The following INPP1 variants were observed in gnomAD, a reference collection of about 807,000 sequenced individuals.
INPP1 encodes inositol polyphosphate-1-phosphatase, also known as inositol polyphosphate 1-phosphatase.
Under a neutral mutation model 23.0 loss-of-function variants are expected in INPP1, and 18 were observed. That is an observed-to-expected ratio of 0.78 (90% CI 0.54 to 1.16). The LOEUF is 1.16. INPP1 is among the 50% of genes most tolerant of loss of function. The pLI, the probability that INPP1 is intolerant of heterozygous loss-of-function variation, is 0.00. For synonymous variants in INPP1, 164 were observed against 176.3 expected, an observed-to-expected ratio of 0.93 and a Z score of 0.55; for missense variants, 448 against 482.1, an observed-to-expected ratio of 0.93 and a Z score of 0.66.
rs978785988 is a variant in INPP1 at position 190,354,925 on chromosome 2, G to A, written c.-64-5114G>A. ...AACCTAGTGACAGATATCAACTAGG[G>A]GTGTGTGTGTGTGTGTGTGTGCATT... On this transcript the variant is annotated intron_variant, in intron 2 of 6. Transcript: ENST00000392329. The surrounding 1 kb of genome is among the most constrained non-coding windows in gnomAD (Gnocchi z 4.8). 1.4e-5 allele frequency among the ~76,000 whole-genome samples: 2 copies of A among 146,564 alleles called. No homozygotes were observed. Among genetic ancestry groups the A allele is most frequent in the East Asian group, 3.9e-4 (2 of 5,080 alleles).
chr2:190,347,777 T>A (rs1689248026), intron 1 of INPP1, among the ~76,000 whole-genome samples: 1 of 152,242 alleles, frequency 6.6e-6, no homozygotes, highest in South Asian at 2.1e-4. Context: ...AATTGTTCTT[T>A]TAACATTGCT....
chr2:190,347,213 G>A (rs1407192121), intron 1 of INPP1, among the ~76,000 whole-genome samples: 1 of 151,702 alleles, frequency 6.6e-6, no homozygotes, highest in Admixed American at 6.6e-5. Context: ...GGGTTTCACA[G>A]TGTTAGCCAG....
rs1010940536 is a variant in INPP1, at chr2:190,359,160, C to T, written c.-64-879C>T. 3.9e-5 allele frequency among the ~76,000 whole-genome samples: 6 copies of T among 152,116 alleles called. No individual in the cohort carries two copies. The East Asian group carries it at 5.8e-4, about 15-fold the overall frequency. ...ACAAAAAATACAAAAATTAGCCTGG[C>T]GTGGTGGCATGCATCTGTAGTCCCA... On this transcript the variant is annotated intron_variant, in intron 2 of 6. Coordinates refer to ENST00000392329, the MANE Select transcript of INPP1 (RefSeq NM_001128928.2).
chr2:190,370,204 C>T (rs1689773337), intron 6 of INPP1, among the ~76,000 whole-genome samples: 1 of 152,180 alleles, frequency 6.6e-6, no homozygotes, highest in Non-Finnish European at 1.5e-5. Flanking sequence ...GGTTTGAATG[C>T]AGATTCTACC....
At chr2:190,366,611 C>T in intron 4 of INPP1, 84 bp from the exon 5 acceptor site, 2 of 970,230 alleles carry the variant, frequency 2.1e-6, no homozygotes, top group South Asian at 2.8e-5. Flanking sequence ...CTCTCTGTCT[C>T]TCTCACTCTT....
Position 190,346,171 on chromosome 2 carries a change from G to C in INPP1, c.-209+2210G>C, listed in dbSNP as rs1214121910. Among the ~76,000 whole-genome samples, 1 of 152,152 alleles carries C rather than the reference G, an allele frequency of 6.6e-6. No homozygotes were observed. Among genetic ancestry groups the C allele is most frequent in the Non-Finnish European group, 1.5e-5 (1 of 68,030 alleles). ...TTAAAAGATTCCCAGATTGCAACTT[G>C]AGACTTCCTGGATCAGAATTTCTAA... On this transcript the variant is annotated intron_variant, in intron 1 of 6. Transcript: ENST00000392329. The surrounding 1 kb of genome is among the most constrained non-coding windows in gnomAD (Gnocchi z 5.1).
Position 190,346,457 on chromosome 2 carries a change from CAT to C in INPP1, c.-208-2428_-208-2427del, listed in dbSNP as rs1689217459. 6.6e-6 allele frequency among the ~76,000 whole-genome samples: 1 copy of C among 152,110 alleles called. No homozygotes were observed. The highest frequency in any genetic ancestry group is 2.1e-4 in the South Asian group (1 of 4,824). ...GCTTCTGCTGATCAAATTTAGCAAA[CAT>C]ATTTTTGCATGTTTAGTCTTTTTTA... is the stretch of plus-strand genomic sequence containing the variant. On this transcript the variant is annotated intron_variant, in intron 1 of 6. Transcript: ENST00000392329. The surrounding 1 kb of genome is among the most constrained non-coding windows in gnomAD (Gnocchi z 5.1).
intron 4 of INPP1, chr2:190,365,028 G>A (rs1199315313): frequency 6.0e-6 from 1 of 166,078 alleles, no homozygotes; most frequent in African/African-American, 2.4e-5. Context: ...ACGTTCCAAA[G>A]TGCCATGTTT....
chr2:190,350,285 A>T lies in INPP1; in HGVS notation c.-65+1254A>T, dbSNP rs561486350. Among the ~76,000 whole-genome samples, 3 of 152,254 alleles carry T rather than the reference A, an allele frequency of 2.0e-5. No individual in the cohort carries two copies. The South Asian group carries it at 6.2e-4, about 32-fold the overall frequency. On this transcript the variant is annotated intron_variant, in intron 2 of 6. Transcript: ENST00000392329. ...GTAGATCAACTATTTTTTTCCGAGC[A>T]TTTAATTTACTTTACAAAAAGGCAA... is the stretch of plus-strand genomic sequence containing the variant.
rs1272012186 is a variant in INPP1, at chr2:190,366,439, G to GTCTCACTCTC, written c.266-252_266-243dup. Reference sequence around the variant, plus strand: ...ACTCTGTCTCACTCTGTCTCACTCTGTCTCACTCTCTCTGTCTTGCTCTCT... The same window carrying GTCTCACTCTC: ...ACTCTGTCTCACTCTGTCTCACTCTGTCTCACTCTCTCTCACTCTCTCTGTCTTGCTCTCT... On this transcript the variant is annotated intron_variant, in intron 4 of 6. Coordinates refer to ENST00000392329, the MANE Select transcript of INPP1 (RefSeq NM_001128928.2). Among the ~76,000 whole-genome samples, 228 of 88,188 alleles carry GTCTCACTCTC rather than the reference G, an allele frequency of 2.6e-3. 3 individuals carry two copies. Among genetic ancestry groups the GTCTCACTCTC allele is most frequent in the Admixed American group, 0.011 (84 of 7,968 alleles). The allele number at this position is 88,188 out of a possible 152,430, so 57.9% of individuals were successfully genotyped here. A position where few individuals can be genotyped will look rare whatever the true frequency, so the allele number is the denominator to read the frequency against.
chr2:190,370,898 AC>A lies in INPP1; in HGVS notation c.697del (p.Leu233TyrfsTer31), dbSNP rs1559087165. On this transcript the variant is annotated frameshift_variant, in exon 7 of 7. Coordinates refer to ENST00000392329, the MANE Select transcript of INPP1 (RefSeq NM_001128928.2). LOFTEE classifies it low-confidence loss of function (END_TRUNC). ...CTTACATGGGGACCAACATGCATTC[AC>A]TACAGCTCACCATCTCTAGAAGAAA... ...LSYMGTNMHS[L>X]QLTISRRNGS... 1 of 1,614,224 alleles carries A rather than the reference AC, an allele frequency of 6.2e-7. No homozygotes were observed. Among genetic ancestry groups the A allele is most frequent in the South Asian group, 1.1e-5 (1 of 91,082 alleles).
intron 2 of INPP1, among the ~76,000 whole-genome samples, chr2:190,353,564 T>C (rs1689362959): frequency 6.6e-6 from 1 of 152,256 alleles, no homozygotes; most frequent in African/African-American, 2.4e-5. Flanking sequence ...TTATCTGCCA[T>C]GTGTAAAGCT....
At chr2:190,361,090 CTT>C (rs756262262) in intron 3 of INPP1, among the ~76,000 whole-genome samples, 30 of 151,964 alleles carry the variant, frequency 2.0e-4, no homozygotes, top group Non-Finnish European at 3.5e-4. Context: ...TTATTTAGCT[CTT>C]ATAACAATTT....
In INPP1 at chr2:190,345,514, AAAAGAT is replaced by A. The variant is rs1689198759; in HGVS notation, c.-209+1556_-209+1561del. ...ATTTCATGTTATACAGAAATTGCTT[AAAAGAT>A]AATTATGTTATATAAAGTGATCAAT... On this transcript the variant is annotated intron_variant, in intron 1 of 6. Coordinates refer to ENST00000392329, the MANE Select transcript of INPP1 (RefSeq NM_001128928.2). This position sits in a 1 kb window ranked among gnomAD's most constrained non-coding sequence, Gnocchi z 4.9. 6.6e-6 allele frequency: 1 copy of A among 152,258 alleles called. No individual in the cohort carries two copies. The highest frequency in any genetic ancestry group is 2.4e-5 in the African/African-American group (1 of 41,468). The allele number at this position is 152,258 out of a possible 1,614,324, so 9.4% of individuals were successfully genotyped here. A position where few individuals can be genotyped will look rare whatever the true frequency, so the allele number is the denominator to read the frequency against.
intron 2 of INPP1, among the ~76,000 whole-genome samples, chr2:190,350,965 T>G (rs1559079985): frequency 6.6e-6 from 1 of 152,252 alleles, no homozygotes; most frequent in East Asian, 1.9e-4. Context: ...ATACAGAATA[T>G]ATGTAGACTT....
In INPP1 at chr2:190,369,137, C is replaced by T. The variant is rs776426679; in HGVS notation, c.501C>T (p.Asp167=). ...STYQYIKGSA[D]IKSNQGIFPC... is the part of the protein sequence containing the mutation. ...ATCAGTATATAAAAGGTTCTGCTGA[C>T]ATTAAATCCAACCAGGGAATCTTCC... The change falls in exon 6 of 7, where the codon GAC becomes GAT. Residue 167 remains aspartate (D), a synonymous_variant. Transcript: ENST00000392329. 2 of 1,605,968 alleles carry T rather than the reference C, an allele frequency of 1.2e-6. No homozygotes were observed. The highest frequency in any genetic ancestry group is 2.7e-5 in the African/African-American group (2 of 74,780).
chr2:190,358,893 G>A (rs1689478610), intron 2 of INPP1, among the ~76,000 whole-genome samples: 1 of 152,188 alleles, frequency 6.6e-6, no homozygotes, highest in Admixed American at 6.5e-5. Flanking sequence ...CTGGGTAAAG[G>A]AGCAGCATAG....
Position 190,354,146 on chromosome 2 carries a change from G to A in INPP1, c.-65+5115G>A, listed in dbSNP as rs1416098154. 6.6e-6 allele frequency among the ~76,000 whole-genome samples: 1 copy of A among 152,232 alleles called. No homozygotes were observed. Among genetic ancestry groups the A allele is most frequent in the East Asian group, 1.9e-4 (1 of 5,204 alleles). On this transcript the variant is annotated intron_variant, in intron 2 of 6. Transcript: ENST00000392329. This position sits in a 1 kb window ranked among gnomAD's most constrained non-coding sequence, Gnocchi z 4.8. The stretch of plus-strand genomic sequence containing the variant: ...CAAAACAAGGCTTATGAGAGGTTCA[G>A]TGCTCACTGCAATATTAATTACTTG...
At position 190,363,345 on chromosome 2, in the gene INPP1, G is replaced by C. The variant is rs1689570495; in HGVS notation, c.265+658G>C. Among the ~76,000 whole-genome samples, 1 of 152,096 alleles carries C rather than the reference G, an allele frequency of 6.6e-6. No individual in the cohort carries two copies. Among genetic ancestry groups the C allele is most frequent in the Admixed American group, 6.5e-5 (1 of 15,276 alleles). On this transcript the variant is annotated intron_variant, in intron 4 of 6. Coordinates refer to ENST00000392329, the MANE Select transcript of INPP1 (RefSeq NM_001128928.2). This position sits in a 1 kb window ranked among gnomAD's most constrained non-coding sequence, Gnocchi z 4.4. ...CCTCCTGGATTCAAGCCATTCTCCT[G>C]CCTCATCCTCCTGAGTGGCTGGGAT...
Sources: gnomAD v4.1 joint callset for allele counts (sites outside exome capture counted in the v4.1 genomes callset) on GRCh38, gnomAD v4.1.1 for gene constraint, Gnocchi (gnomAD v3.1) non-coding constraint, MANE v1.5 for transcripts, NCBI Gene and HGNC (gene_info 2026-07-23, HGNC 2026-07-21) for gene names.